Variants in ZFHX3 observed in about 807,000 individuals in gnomAD.
The protein encoded by ZFHX3 is zinc finger homeobox 3.
ZFHX3 carries 42 observed loss-of-function variants against 279.1 expected under a neutral mutation model. That is an observed-to-expected ratio of 0.15 (90% CI 0.12 to 0.19). The LOEUF (loss-of-function observed/expected upper bound fraction) is 0.19, where lower values mean the gene tolerates loss of function less well. Among genes scored for constraint, ZFHX3 ranks in the 10% least tolerant of loss-of-function variants. The pLI, the probability that ZFHX3 is intolerant of heterozygous loss-of-function variation, is 1.00. For missense variants in ZFHX3, 4,981 were observed against 4,754.0 expected (o/e 1.05, Z -1.40); for synonymous variants, 2,293 against 1,957.8 (o/e 1.17, Z -4.52).
chr16:73,835,151 G>T (rs2142362481), intron 1 of ZFHX3, among the ~76,000 whole-genome samples: 1 of 152,244 alleles, frequency 6.6e-6, no homozygotes, highest in Non-Finnish European at 1.5e-5. Flanking sequence ...TGCAGGGTTG[G>T]CGAGGCTATA....
intron 2 of ZFHX3, among the ~76,000 whole-genome samples, chr16:73,490,429 T>C (rs747498299): frequency 6.6e-6 from 1 of 152,234 alleles, no homozygotes; most frequent in Non-Finnish European, 1.5e-5. Flanking sequence ...GTTTAACCAA[T>C]GTGGAAATTA....
intron 3 of ZFHX3, among the ~76,000 whole-genome samples, chr16:73,394,975 T>C (rs2017098231): frequency 6.6e-6 from 1 of 152,230 alleles, no homozygotes; most frequent in East Asian, 1.9e-4. Context: ...CCAAAGACCA[T>C]GCTCTTTATC....
rs979002759 is a variant in ZFHX3 at position 73,175,153 on chromosome 16, G to C, written c.-1103-31322C>G. 5.3e-5 allele frequency among the ~76,000 whole-genome samples: 8 copies of C among 152,090 alleles called. No individual in the cohort carries two copies. The South Asian group carries it at 1.2e-3, about 24-fold the overall frequency. ...CCAGCACTTTGGAAGGCTGAGGCGGGCGGATTACTTGAGGTCAGGAGTTCG... is the reference window on the plus strand; with the variant it reads ...CCAGCACTTTGGAAGGCTGAGGCGGCCGGATTACTTGAGGTCAGGAGTTCG... On this transcript the variant is annotated intron_variant, in intron 5 of 17. Transcript: ENST00000641206.
chr16:73,610,686 C>T (rs546352375), intron 2 of ZFHX3, among the ~76,000 whole-genome samples: 12 of 152,242 alleles, frequency 7.9e-5, no homozygotes, highest in African/African-American at 2.9e-4. Flanking sequence ...GTTAAAGAAA[C>T]AGGATGATAA....
At chr16:73,118,822 A>G (rs1966462271) in intron 7 of ZFHX3, among the ~76,000 whole-genome samples, 1 of 152,160 alleles carries the variant, frequency 6.6e-6, no homozygotes, top group Non-Finnish European at 1.5e-5. Context: ...GGTGCACAGT[A>G]CTTGACATTT....
intron 1 of ZFHX3, among the ~76,000 whole-genome samples, chr16:73,780,745 T>C (rs1336437534): frequency 1.3e-5 from 2 of 152,350 alleles, no homozygotes; most frequent in Non-Finnish European, 1.5e-5. Context: ...CCTGGCCTCA[T>C]TGCAGTTGAA....
At chr16:72,916,946 A>G (rs1224399940) in intron 3 of ZFHX3, among the ~76,000 whole-genome samples, 1 of 152,182 alleles carries the variant, frequency 6.6e-6, no homozygotes, top group African/African-American at 2.4e-5. Context: ...AAGCTTAACA[A>G]AGCAGAAGAA....
In ZFHX3 at chr16:73,223,552, T is replaced by C. The variant is rs535204110; in HGVS notation, c.-1104+33495A>G. Among the ~76,000 whole-genome samples the C allele has an allele frequency of 6.6e-5, 10 of 152,296 alleles. No individual in the cohort carries two copies. In the East Asian group the frequency reaches 1.9e-3, roughly 29 times the overall value. On this transcript the variant is annotated intron_variant, in intron 5 of 17. Coordinates refer to the ZFHX3 transcript ENST00000641206. ...CATCCAAAATAACGACAACCCCATA[T>C]GAAATACTGGTGAGGATATGGAGCA... is the stretch of plus-strand genomic sequence containing the variant.
At chr16:73,599,608 G>T (rs1394491987) in intron 2 of ZFHX3, among the ~76,000 whole-genome samples, 1 of 152,034 alleles carries the variant, frequency 6.6e-6, no homozygotes, top group Non-Finnish European at 1.5e-5. Context: ...ATTGCAAATT[G>T]CTTTGGATTT....
intron 3 of ZFHX3, among the ~76,000 whole-genome samples, chr16:72,908,410 A>T (rs2039238144): frequency 6.6e-6 from 1 of 152,242 alleles, no homozygotes; most frequent in African/African-American, 2.4e-5. Flanking sequence ...AAATTAAAAC[A>T]AAACAGCTGC....
chr16:73,437,420 TA>T (rs1216968728), intron 3 of ZFHX3, among the ~76,000 whole-genome samples: 3 of 152,214 alleles, frequency 2.0e-5, no homozygotes, highest in African/African-American at 4.8e-5. Context: ...GACATTGGAA[TA>T]GGGGGTTTTC....
chr16:72,825,020 G>T (rs540478184), intron 5 of ZFHX3, among the ~76,000 whole-genome samples: 2 of 152,234 alleles, frequency 1.3e-5, no homozygotes, highest in Non-Finnish European at 1.5e-5. Context: ...AGATGTGCCC[G>T]CAAGGGCCTG....
intron 3 of ZFHX3, among the ~76,000 whole-genome samples, chr16:72,928,029 C>T (rs555543107): frequency 6.8e-6 from 1 of 146,886 alleles, no homozygotes; most frequent in African/African-American, 2.5e-5. Context: ...GCACAGTGCC[C>T]CCTGGGGCTG....
intron 3 of ZFHX3, among the ~76,000 whole-genome samples, chr16:73,413,256 G>C (rs2017505211): frequency 6.6e-6 from 1 of 152,224 alleles, no homozygotes; most frequent in Non-Finnish European, 1.5e-5. Context: ...AGGCATTCCA[G>C]ACACAGAACA....
rs1966288078 is a variant in ZFHX3, at chr16:73,105,408, T to TATATATATATATAC, written c.-896-11811_-896-11810insGTATATATATATAT. On this transcript the variant is annotated intron_variant, in intron 7 of 17. Coordinates refer to the ZFHX3 transcript ENST00000641206. ...ACACACACACACATATATATATATA[T>TATATATATATATAC]ACACACACACATATATATATATATA... Among the ~76,000 whole-genome samples the TATATATATATATAC allele has an allele frequency of 3.3e-4, 27 of 82,804 alleles. 1 individual carries two copies. Among genetic ancestry groups the TATATATATATATAC allele is most frequent in the Middle Eastern group, 8.1e-3 (1 of 124 alleles). 54.3% of individuals were successfully genotyped at this position (82,804 alleles called of 152,430 possible).
At chr16:73,340,940 A>T (rs1354352440) in intron 3 of ZFHX3, among the ~76,000 whole-genome samples, 1 of 152,208 alleles carries the variant, frequency 6.6e-6, no homozygotes, top group African/African-American at 2.4e-5. Context: ...AAATTGCATG[A>T]AAAAAACATC....
chr16:73,285,086 G>T (rs1045542977), intron 4 of ZFHX3, among the ~76,000 whole-genome samples: 10 of 152,220 alleles, frequency 6.6e-5, no homozygotes, highest in Non-Finnish European at 1.0e-4. Context: ...CTGTGTAAAA[G>T]AATTCTTCTT....
At chr16:72,791,721 T>C (rs1284070625) in intron 9 of ZFHX3, 1 of 152,250 alleles carries the variant, frequency 6.6e-6, no homozygotes, top group African/African-American at 2.4e-5. Context: ...CTATTTTCCA[T>C]AGTTTGTTTT....
intron 4 of ZFHX3, among the ~76,000 whole-genome samples, chr16:72,835,512 T>C (rs566069951): frequency 6.6e-6 from 1 of 152,350 alleles, no homozygotes; most frequent in East Asian, 1.9e-4. Context: ...GACCTCTTCT[T>C]TGAAAAACAA....
Sources: allele counts gnomAD v4.1 joint callset (sites outside exome capture counted in the v4.1 genomes callset), GRCh38; gene constraint gnomAD v4.1.1; transcripts MANE v1.5; gene names NCBI Gene and HGNC (gene_info 2026-07-23, HGNC 2026-07-21).